POLG: variants seen among roughly 807,000 people sequenced by gnomAD.
POLG encodes the protein DNA polymerase gamma, catalytic subunit, also known as DNA polymerase subunit gamma-1.
A neutral mutation model predicts 155.4 loss-of-function variants in POLG; 110 were observed. The observed-to-expected ratio is 0.71, with a 90% confidence interval of 0.61 to 0.83. POLG has a LOEUF of 0.83. Ranked by LOEUF, POLG falls within the 40% of genes least tolerant of loss-of-function variation. The pLI, the probability that POLG is intolerant of heterozygous loss-of-function variation, is 0.00. For synonymous variants in POLG, 701 were observed against 631.5 expected (o/e 1.11, Z -1.65); for missense variants, 1,685 against 1,627.5 (o/e 1.04, Z -0.61).
At chr15:89,331,008 A>C (rs2055587351) in intron 2 of POLG, among the ~76,000 whole-genome samples, 1 of 152,190 alleles carries the variant, frequency 6.6e-6, no homozygotes, top group Non-Finnish European at 1.5e-5. Context: ...GGTGTAGGGG[A>C]ATGGCCACTG....
rs41541220 is a variant in POLG, at chr15:89,323,037, ACGCACGCG to A, written c.2266-143_2266-136del. On this transcript the variant is annotated intron_variant, in intron 13 of 22. Coordinates refer to ENST00000268124, the MANE Select transcript of POLG (RefSeq NM_002693.3). The stretch of plus-strand genomic sequence containing the variant: ...TCTGAGGCAAATCCCTGATTGTATC[ACGCACGCG>A]CGCACGCGCGCACGCACACACACAC... 0.046 allele frequency: 40,223 copies of A among 879,760 alleles called. 3,617 individuals are homozygous for A. The highest frequency in any genetic ancestry group is 0.33 in the African/African-American group (18,810 of 57,788). 54.5% of individuals were successfully genotyped at this position (879,760 alleles called of 1,614,324 possible).
In POLG at chr15:89,331,337, A is replaced by C. The variant is rs1043458552; in HGVS notation, c.660-1061T>G. 4.6e-5 allele frequency among the ~76,000 whole-genome samples: 7 copies of C among 152,146 alleles called. No individual in the cohort carries two copies. The South Asian group carries it at 1.0e-3, about 23-fold the overall frequency. On this transcript the variant is annotated intron_variant, in intron 2 of 22. Coordinates refer to ENST00000268124, the MANE Select transcript of POLG (RefSeq NM_002693.3). ...TTAATTCAGCATGTCAAAGCCCTTA[A>C]AACAACGCAGACAAAAAGGCTAAAG...
chr15:89,325,333 T>C (rs2152065697), intron 10 of POLG, 117 bp downstream of exon 10: 1 of 714,854 alleles, frequency 1.4e-6, no homozygotes, highest in East Asian at 2.5e-5. Context: ...TTTCCTGTTT[T>C]CCCTTCTTCT....
Position 89,318,648 on chromosome 15 carries a change from T to G in POLG, c.3375A>C (p.Ile1125=). ...GGATGCTGATGCAGAAGCGCCCATC[T>G]ATGGCAAACTCTTCAAACAGCCACT... ...AMKWLFEEFA[I]DGRFCISIHD... The change falls in exon 21 of 23, where the codon ATA becomes ATC. Residue 1125 remains isoleucine (I), a synonymous_variant. Coordinates refer to ENST00000268124, the MANE Select transcript of POLG (RefSeq NM_002693.3). 6.2e-7 allele frequency: 1 copy of G among 1,614,220 alleles called. No individual in the cohort carries two copies. The highest frequency in any genetic ancestry group is 8.5e-7 in the Non-Finnish European group (1 of 1,180,018).
chr15:89,317,769 T>TC (rs1329344035), intron 21 of POLG: 3 of 561,160 alleles, frequency 5.3e-6, no homozygotes, highest in Non-Finnish European at 9.6e-6. Flanking sequence ...CTTTTTTTTT[T>TC]TTTCCCAGTT....
chr15:89,318,347 C>CT lies in POLG; in HGVS notation c.3482+193dup, dbSNP rs3176229. On this transcript the variant is annotated intron_variant, in intron 21 of 22. Coordinates refer to ENST00000268124, the MANE Select transcript of POLG (RefSeq NM_002693.3). ...TTTCACATTTTCAAACCCAATAACT[C>CT]TTTTTTTACGAATTGAGGCTAGTCT... Among the ~76,000 whole-genome samples, 18,242 of 152,134 alleles carry CT rather than the reference C, an allele frequency of 0.12. 1,489 individuals are homozygous for CT. Among genetic ancestry groups the CT allele is most frequent in the African/African-American group, 0.24 (9,830 of 41,448 alleles).
chr15:89,319,216 G>A lies in POLG; in HGVS notation c.3104+12C>T, dbSNP rs2055357648. 1.9e-6 allele frequency: 3 copies of A among 1,613,998 alleles called. No individual in the cohort carries two copies. Among genetic ancestry groups the A allele is most frequent in the East Asian group, 2.2e-5 (1 of 44,888 alleles). On this transcript the variant is annotated intron_variant, in intron 19 of 22. Transcript: ENST00000268124. ...CCCCTCCCTCCATCCTTAACACAAA[G>A]AAGGTTCTTACTTCCTTGCAGTTTC...
At position 89,333,284 on chromosome 15, in the gene POLG, C is replaced by A. The variant is rs745813477; in HGVS notation, c.471G>T (p.Leu157=). The A allele has an allele frequency of 6.4e-6, 10 of 1,557,806 alleles. No homozygotes were observed. Among genetic ancestry groups the A allele is most frequent in the Non-Finnish European group, 7.8e-6 (9 of 1,150,398 alleles). The change falls in exon 2 of 23, where the codon CTG becomes CTT. Residue 157 remains leucine, a synonymous_variant. Transcript: ENST00000268124. ...SLPYLEAANL[L]LQAQLPPKPP... Reference sequence around the variant, plus strand: ...GCTTCGGGGGCAGCTGGGCCTGCAACAGCAAGTTGGCCGCCTCCAGGTAGG... The same window carrying A: ...GCTTCGGGGGCAGCTGGGCCTGCAAAAGCAAGTTGGCCGCCTCCAGGTAGG...
rs2055275278 is a variant in POLG, at chr15:89,316,652, A to C, written c.*99T>G. 4.0e-5 allele frequency: 48 copies of C among 1,203,474 alleles called. No individual in the cohort carries two copies. Among genetic ancestry groups the C allele is most frequent in the Admixed American group, 2.1e-4 (12 of 57,780 alleles). 74.5% of individuals were successfully genotyped at this position (1,203,474 alleles called of 1,614,324 possible). The stretch of plus-strand genomic sequence containing the variant: ...TACTGAAAAATGGCTGGCCTTAGGC[A>C]AGCCCTTTTGCAAAAAGCACAGCTG... On this transcript the variant is annotated 3_prime_UTR_variant, in exon 23 of 23. Coordinates refer to ENST00000268124, the MANE Select transcript of POLG (RefSeq NM_002693.3).
At chr15:89,321,643 T>C in intron 16 of POLG, 93 bp downstream of exon 16, 1 of 945,314 alleles carries the variant, frequency 1.1e-6, no homozygotes. Context: ...GTCCTTTTCA[T>C]GATCCTCACT....
At chr15:89,318,389 AC>A in intron 21 of POLG, 151 bp downstream of exon 21, 1 of 659,302 alleles carries the variant, frequency 1.5e-6, no homozygotes, top group Non-Finnish European at 2.6e-6. Context: ...GACTTCTACA[AC>A]TTTTTAAAAA....
rs772509321 is a variant in POLG, at chr15:89,321,759, A to G, written c.2575T>C (p.Trp859Arg). 2 of 1,613,716 alleles carry G rather than the reference A, an allele frequency of 1.2e-6. No homozygotes were observed. The highest frequency in any genetic ancestry group is 2.2e-5 in the South Asian group (2 of 91,064). The part of the protein sequence containing the change: ...TITRRAVEPT[W>R]LTASNARPDR... ...ACCCGGGCATTGCTGGCGGTGAGCC[A>G]TGTGGGCTCCACAGCCCGGCGAGTG... is the stretch of plus-strand genomic sequence containing the variant. Residue 859 changes from tryptophan to arginine, a missense_variant, in exon 16 of 23, where the codon TGG becomes CGG. By Grantham distance (101) the Trp-to-Arg change is moderately radical. This residue lies in a region of POLG where 1,210 missense variants were observed against 1,167.1 expected (regional missense o/e 1.04). Transcript: ENST00000268124.
At position 89,334,765 on chromosome 15, in the gene POLG, G is replaced by T. The variant is rs1316453060; in HGVS notation, c.-252C>A. On this transcript the variant is annotated 5_prime_UTR_variant, in exon 1 of 23. Coordinates refer to ENST00000268124, the MANE Select transcript of POLG (RefSeq NM_002693.3). ...TTCGCGCGGCCTACGCAGCCTCGGG[G>T]TAGCGTGTGGCCTCCACCCGGCCGG... 2 of 152,388 alleles carry T rather than the reference G, an allele frequency of 1.3e-5. No individual in the cohort carries two copies. Among genetic ancestry groups the T allele is most frequent in the East Asian group, 3.8e-4 (2 of 5,206 alleles). The allele number at this position is 152,388 out of a possible 1,614,324, so 9.4% of individuals were successfully genotyped here.
In POLG at chr15:89,321,857, G is replaced by T. The variant is rs764833370; in HGVS notation, c.2481-4C>A. On this transcript the variant is annotated splice_region_variant and splice_polypyrimidine_tract_variant and intron_variant, in intron 15 of 22. Coordinates refer to ENST00000268124, the MANE Select transcript of POLG (RefSeq NM_002693.3). ...TTCCTCATCATAGTCGGGGTGCCTG[G>T]TGGGGTGCAGGGGAAGGAAATGGGT... The T allele has an allele frequency of 1.9e-6, 3 of 1,612,538 alleles. No homozygotes were observed. Among genetic ancestry groups the T allele is most frequent in the Non-Finnish European group, 2.5e-6 (3 of 1,178,660 alleles).
intron 2 of POLG, among the ~76,000 whole-genome samples, chr15:89,332,726 T>A (rs2141813451): frequency 6.6e-6 from 1 of 152,112 alleles, no homozygotes; most frequent in African/African-American, 2.4e-5. Context: ...AATTAATAGC[T>A]CCCCAAATAG....
chr15:89,330,639 C>G (rs1225973784), intron 2 of POLG, among the ~76,000 whole-genome samples: 1 of 151,906 alleles, frequency 6.6e-6, no homozygotes, highest in Non-Finnish European at 1.5e-5. Flanking sequence ...ATCAACCCCT[C>G]ACGTCTACAG....
At chr15:89,324,389 T>C (rs2055442448) in intron 10 of POLG, 162 bp from the exon 11 acceptor site, 1 of 809,758 alleles carries the variant, frequency 1.2e-6, no homozygotes, top group Admixed American at 2.0e-5. Flanking sequence ...AGGGATTGAT[T>C]GACAAACTGA....
At position 89,333,619 on chromosome 15, in the gene POLG, G is replaced by A. The variant is rs2055628382; in HGVS notation, c.136C>T (p.Gln46Ter). 1 of 1,601,374 alleles carries A rather than the reference G, an allele frequency of 6.2e-7. No individual in the cohort carries two copies. The highest frequency in any genetic ancestry group is 8.5e-7 in the Non-Finnish European group (1 of 1,176,396). The change falls in exon 2 of 23, where the codon CAG (glutamine) becomes TAG (stop). Residue 46 changes from glutamine to a stop codon, truncating the protein, a stop_gained. Coordinates refer to ENST00000268124, the MANE Select transcript of POLG (RefSeq NM_002693.3). LOFTEE classifies it high-confidence loss of function. ...SDGQRRRQQQ[Q>*]QQQQQQQQQP... is the part of the protein sequence containing the mutation. ...TGTTGCTGCTGCTGCTGCTGCTGCT[G>A]CTGCTGCTGCCGCCGCCGCTGCCCG...
rs866942947 is a variant in POLG, at chr15:89,325,191, T to A, written c.1949+259A>T. On this transcript the variant is annotated intron_variant, in intron 10 of 22. Transcript: ENST00000268124. Reference sequence around the variant, plus strand: ...GTGAGAGAGTGAGAGAGTGAGTGAGTGAGAGAGTGAGTGAGAGAGTGAGTG... The same window carrying A: ...GTGAGAGAGTGAGAGAGTGAGTGAGAGAGAGAGTGAGTGAGAGAGTGAGTG... 5.3e-4 allele frequency among the ~76,000 whole-genome samples: 29 copies of A among 55,206 alleles called. 3 individuals carry two copies. The highest frequency in any genetic ancestry group is 2.2e-3 in the African/African-American group (17 of 7,704). 36.2% of individuals were successfully genotyped at this position (55,206 alleles called of 152,430 possible).
Sources: allele counts gnomAD v4.1 joint callset (sites outside exome capture counted in the v4.1 genomes callset), GRCh38; gene constraint gnomAD v4.1.1; regional missense constraint gnomAD v4.1.1; transcripts MANE v1.5; gene names NCBI Gene and HGNC (gene_info 2026-07-23, HGNC 2026-07-21).